SLC24A2: variants seen among roughly 807,000 people sequenced by gnomAD.
SLC24A2 encodes solute carrier family 24 member 2.
A neutral mutation model predicts 62.0 loss-of-function variants in SLC24A2; 36 were observed. That is an observed-to-expected ratio of 0.58 (90% CI 0.44 to 0.77). The LOEUF (loss-of-function observed/expected upper bound fraction) is 0.77, where lower values mean the gene tolerates loss of function less well. Ranked by LOEUF, SLC24A2 falls within the 30% of genes least tolerant of loss-of-function variation. The pLI, the probability that SLC24A2 is intolerant of heterozygous loss-of-function variation, is 0.00. For synonymous variants in SLC24A2, 358 were observed against 294.0 expected (o/e 1.22, Z -2.23); for missense variants, 846 against 817.9 (o/e 1.03, Z -0.42).
intron 2 of SLC24A2, among the ~76,000 whole-genome samples, chr9:19,746,426 G>A (rs952621442): frequency 6.6e-5 from 10 of 152,054 alleles, no homozygotes; most frequent in African/African-American, 2.4e-4. Flanking sequence ...TCTTAGGGGT[G>A]CCTGAGGCAA....
chr9:19,678,457 A>G (rs528712102), intron 2 of SLC24A2, among the ~76,000 whole-genome samples: 2 of 152,092 alleles, frequency 1.3e-5, no homozygotes, highest in Non-Finnish European at 1.5e-5. Flanking sequence ...ACAACCAAAT[A>G]AAGCACTAGC....
intron 2 of SLC24A2, among the ~76,000 whole-genome samples, chr9:19,740,589 G>T (rs1178518389): frequency 6.6e-6 from 1 of 152,202 alleles, no homozygotes; most frequent in African/African-American, 2.4e-5. Context: ...GGGGCTCTGG[G>T]TGTCTGTAAT....
the SLC24A2 span, among the ~76,000 whole-genome samples, chr9:19,897,177 T>G: frequency 6.6e-6 from 1 of 152,212 alleles, no homozygotes; most frequent in Non-Finnish European, 1.5e-5. Context: ...GTTGCTGATG[T>G]GCCTTTCCGT....
chr9:19,786,468 AC>A lies in SLC24A2; in HGVS notation c.398del (p.Gly133ValfsTer10), dbSNP rs1823175433. 1 of 1,614,000 alleles carries A rather than the reference AC, an allele frequency of 6.2e-7. No homozygotes were observed. Among genetic ancestry groups the A allele is most frequent in the African/African-American group, 1.3e-5 (1 of 74,922 alleles). On this transcript the variant is annotated frameshift_variant, in exon 2 of 11. Coordinates refer to ENST00000341998, the MANE Select transcript of SLC24A2 (RefSeq NM_020344.4). LOFTEE classifies it high-confidence loss of function. This position sits in a 1 kb window ranked among gnomAD's most constrained non-coding sequence, Gnocchi z 5.0. Reference sequence around the variant, plus strand: ...TTCCAATGACATGCAGAATGATCGCACCTTTTCTTCTCTCCTCAAGGGAAAA... The same window carrying A: ...TTCCAATGACATGCAGAATGATCGCACTTTTCTTCTCTCCTCAAGGGAAAA... Reference protein sequence around the residue: ...DIFSLEERRKGAIILHVIGMI... With the variant: ...DIFSLEERRKXAIILHVIGMI...
intron 2 of SLC24A2, among the ~76,000 whole-genome samples, chr9:19,732,064 G>T (rs74581863): frequency 6.6e-6 from 1 of 151,852 alleles, no homozygotes; most frequent in Non-Finnish European, 1.5e-5. Flanking sequence ...CTATTGCTGT[G>T]TTTTTTATGG....
At chr9:19,702,956 A>T (rs1310894216) in intron 2 of SLC24A2, among the ~76,000 whole-genome samples, 1 of 150,400 alleles carries the variant, frequency 6.6e-6, no homozygotes, top group Non-Finnish European at 1.5e-5. Context: ...AAAAATAATA[A>T]TTTTTAAAAA....
the SLC24A2 span, among the ~76,000 whole-genome samples, chr9:20,186,196 T>A: frequency 2.0e-5 from 3 of 152,118 alleles, no homozygotes; most frequent in South Asian, 2.1e-4. Flanking sequence ...ATTTGACCAG[T>A]CTTGAAAATT....
rs56840950 is a variant in SLC24A2, at chr9:19,517,910, A to AACACAC, written c.1737-1514_1737-1509dup. 7.7e-3 allele frequency among the ~76,000 whole-genome samples: 1,013 copies of AACACAC among 131,668 alleles called. 6 individuals carry two copies. Among genetic ancestry groups the AACACAC allele is most frequent in the African/African-American group, 9.5e-3 (339 of 35,848 alleles). The allele number at this position is 131,668 out of a possible 152,430, so 86.4% of individuals were successfully genotyped here. ...CCAAAACCCATTTTATTCTTATTAA[A>AACACAC]ACACACACACACACACACACACACA... On this transcript the variant is annotated intron_variant, in intron 10 of 10. Transcript: ENST00000341998.
At chr9:20,173,159 T>C in the SLC24A2 span, among the ~76,000 whole-genome samples, 3 of 151,888 alleles carry the variant, frequency 2.0e-5, no homozygotes, top group African/African-American at 7.2e-5. Flanking sequence ...CTCAGTAAAA[T>C]TGGCATACAA....
Position 19,509,265 on chromosome 9 carries a change from C to T in SLC24A2, c.*6888G>A, listed in dbSNP as rs866467623. 30 of 152,130 alleles carry T rather than the reference C, an allele frequency of 2.0e-4. No individual in the cohort carries two copies. Among genetic ancestry groups the T allele is most frequent in the African/African-American group, 6.3e-4 (26 of 41,522 alleles). 9.4% of individuals were successfully genotyped at this position (152,130 alleles called of 1,614,324 possible). ...AAACTGTAATAAGCTATTTTGAAAA[C>T]GAAGACTGCTTTTGTGAAATGAATA... On this transcript the variant is annotated 3_prime_UTR_variant, in exon 11 of 11. Coordinates refer to ENST00000341998, the MANE Select transcript of SLC24A2 (RefSeq NM_020344.4).
At chr9:19,691,012 T>G (rs1047285157) in intron 2 of SLC24A2, among the ~76,000 whole-genome samples, 1 of 152,128 alleles carries the variant, frequency 6.6e-6, no homozygotes, top group Non-Finnish European at 1.5e-5. Flanking sequence ...CAGGTTCATA[T>G]GATAATTAGT....
chr9:20,226,065 A>G, the SLC24A2 span, among the ~76,000 whole-genome samples: 1 of 152,146 alleles, frequency 6.6e-6, no homozygotes, highest in Admixed American at 6.6e-5. Context: ...TTCAGTTCCT[A>G]AGGATGAATC....
the SLC24A2 span, among the ~76,000 whole-genome samples, chr9:19,904,869 T>C: frequency 6.6e-6 from 1 of 152,182 alleles, no homozygotes; most frequent in South Asian, 2.1e-4. Flanking sequence ...TCTGGACATA[T>C]CTACACAGCT....
chr9:19,533,418 C>T (rs528898604), intron 8 of SLC24A2, among the ~76,000 whole-genome samples: 1 of 152,206 alleles, frequency 6.6e-6, no homozygotes, highest in African/African-American at 2.4e-5. Context: ...GAGGTGAGGT[C>T]TATTTTTCCA....
chr9:20,038,799 T>C, the SLC24A2 span, among the ~76,000 whole-genome samples: 1 of 152,106 alleles, frequency 6.6e-6, no homozygotes. Context: ...GCACAGATAA[T>C]AGAAGGAGTA....
chr9:20,086,442 A>G, the SLC24A2 span, among the ~76,000 whole-genome samples: 1 of 152,016 alleles, frequency 6.6e-6, no homozygotes, highest in African/African-American at 2.4e-5. Context: ...CCTATTATGG[A>G]TTTCTGACTA....
chr9:19,712,300 A>G (rs1820737749), intron 2 of SLC24A2, among the ~76,000 whole-genome samples: 1 of 152,222 alleles, frequency 6.6e-6, no homozygotes, highest in South Asian at 2.1e-4. Flanking sequence ...AGTAATGACC[A>G]CACTCGAGAA....
intron 5 of SLC24A2, among the ~76,000 whole-genome samples, chr9:19,578,839 T>C (rs1225584422): frequency 1.3e-5 from 2 of 152,166 alleles, no homozygotes; most frequent in Non-Finnish European, 2.9e-5. Flanking sequence ...TGACCCTTTC[T>C]GCTCACGGCT....
At chr9:19,531,819 T>C (rs375253814) in intron 8 of SLC24A2, among the ~76,000 whole-genome samples, 1 of 152,052 alleles carries the variant, frequency 6.6e-6, no homozygotes, top group Admixed American at 6.6e-5. Flanking sequence ...TTAATCTCTT[T>C]AAGCTTAGGT....
Sources: allele counts gnomAD v4.1 joint callset (sites outside exome capture counted in the v4.1 genomes callset), GRCh38; gene constraint gnomAD v4.1.1; non-coding constraint Gnocchi (gnomAD v3.1); transcripts MANE v1.5; gene names NCBI Gene and HGNC (gene_info 2026-07-23, HGNC 2026-07-21).